XKR4: variants seen among roughly 807,000 people sequenced by gnomAD.
XKR4 encodes the protein XK related 4, also known as XK-related protein 4.
In XKR4, 12 loss-of-function variants were observed where a neutral mutation model predicts 53.9. The ratio of observed to expected loss-of-function variants is 0.22; its 90% CI spans 0.14 to 0.36. XKR4 has a LOEUF of 0.36. Ranked by LOEUF, XKR4 falls within the 10% of genes least tolerant of loss-of-function variation. The probability of loss-of-function intolerance (pLI) is 1.00; values close to 1 mark genes in which losing one functional copy is unlikely to be tolerated. For missense variants in XKR4, 799 were observed against 859.5 expected, an observed-to-expected ratio of 0.93 and a Z score of 0.88; for synonymous variants, 354 against 362.4, an observed-to-expected ratio of 0.98 and a Z score of 0.26.
Position 55,535,644 on chromosome 8 carries a change from A to G in XKR4, c.*11417A>G, listed in dbSNP as rs911351746. The G allele has an allele frequency of 1.3e-5, 2 of 152,182 alleles. No homozygotes were observed. Among genetic ancestry groups the G allele is most frequent in the Non-Finnish European group, 2.9e-5 (2 of 68,052 alleles). 9.4% of individuals were successfully genotyped at this position (152,182 alleles called of 1,614,324 possible). ...TTGGGTGTTGGGTCAGAGGGTATCT[A>G]TTAATGTAGAGGCCCAAGTATGGTG... On this transcript the variant is annotated 3_prime_UTR_variant, in exon 3 of 3. Transcript: ENST00000327381.
chr8:55,135,981 C>T (rs1289165178), intron 1 of XKR4, among the ~76,000 whole-genome samples: 1 of 151,972 alleles, frequency 6.6e-6, no homozygotes, highest in Non-Finnish European at 1.5e-5. Context: ...GCAACCTCCG[C>T]CTCCCGGGTT....
In XKR4 at chr8:55,119,872, T is replaced by G. The variant is rs940308807; in HGVS notation, c.806+16578T>G. On this transcript the variant is annotated intron_variant, in intron 1 of 2. Transcript: ENST00000327381. Reference sequence around the variant, plus strand: ...TGGTAGTGCTGGTTAAGAACTCTACTTAATGAATTATTGGAAAAGGCATAA... The same window carrying G: ...TGGTAGTGCTGGTTAAGAACTCTACGTAATGAATTATTGGAAAAGGCATAA... 3.9e-5 allele frequency among the ~76,000 whole-genome samples: 6 copies of G among 152,214 alleles called. 1 individual carries two copies. The highest frequency in any genetic ancestry group is 3.9e-4 in the Admixed American group (6 of 15,286).
At chr8:55,398,608 A>G (rs751081761) in intron 2 of XKR4, among the ~76,000 whole-genome samples, 9 of 152,066 alleles carry the variant, frequency 5.9e-5, no homozygotes, top group Non-Finnish European at 1.3e-4. Flanking sequence ...GCTTTAGTTC[A>G]ATCACTTCAC....
intron 2 of XKR4, chr8:55,454,315 G>A (rs1310436414): frequency 6.7e-7 from 1 of 1,485,086 alleles, no homozygotes. Flanking sequence ...CCCCGATTAT[G>A]AAGGGCGTGG....
rs1160872780 is a variant in XKR4 at position 55,534,363 on chromosome 8, C to CTTTTTTTTTTTTTTTTT, written c.*10148_*10164dup. 26 of 47,162 alleles carry CTTTTTTTTTTTTTTTTT rather than the reference C, an allele frequency of 5.5e-4. 7 individuals carry two copies. The highest frequency in any genetic ancestry group is 1.1e-3 in the Admixed American group (3 of 2,692). 2.9% of individuals were successfully genotyped at this position (47,162 alleles called of 1,614,324 possible). On this transcript the variant is annotated 3_prime_UTR_variant, in exon 3 of 3. Transcript: ENST00000327381. ...GCTCAAAGATCACGAATCTGATATTCTTTTTTTTTTTTTTTTTTTTTTTTT... is the reference window on the plus strand; with the variant it reads ...GCTCAAAGATCACGAATCTGATATTCTTTTTTTTTTTTTTTTTTTTTTTTTTTTTTTTTTTTTTTTTT...
intron 2 of XKR4, chr8:55,453,491 T>A (rs1805494382): frequency 5.1e-6 from 2 of 393,738 alleles, no homozygotes; most frequent in South Asian, 3.9e-5. Context: ...GCCCACGACC[T>A]CCAGCTGCCC....
At chr8:55,293,973 G>A (rs1213474465) in intron 1 of XKR4, among the ~76,000 whole-genome samples, 3 of 152,128 alleles carry the variant, frequency 2.0e-5, no homozygotes, top group African/African-American at 4.8e-5. Flanking sequence ...TAACATCTAC[G>A]TTTTGATATC....
intron 2 of XKR4, among the ~76,000 whole-genome samples, chr8:55,447,179 C>T (rs1805359947): frequency 6.6e-6 from 1 of 152,076 alleles, no homozygotes. Context: ...GCCAAGAAAC[C>T]ATCAAAGCTA....
chr8:55,369,225 T>A (rs1279080328), intron 2 of XKR4, among the ~76,000 whole-genome samples: 1 of 151,110 alleles, frequency 6.6e-6, no homozygotes, highest in African/African-American at 2.4e-5. Flanking sequence ...TAGCCAGGTG[T>A]GGTGGTGCAT....
chr8:55,415,347 G>A (rs1387880033), intron 2 of XKR4, among the ~76,000 whole-genome samples: 1 of 152,180 alleles, frequency 6.6e-6, no homozygotes, highest in East Asian at 1.9e-4. Flanking sequence ...GCAGAGACTG[G>A]AAGAAAGAAT....
chr8:55,515,510 C>T (rs1806699112), intron 2 of XKR4, among the ~76,000 whole-genome samples: 1 of 152,186 alleles, frequency 6.6e-6, no homozygotes, highest in Admixed American at 6.5e-5. Context: ...TCTAAACACA[C>T]TGCAGAAATG....
At chr8:55,287,655 G>A (rs191256290) in intron 1 of XKR4, among the ~76,000 whole-genome samples, 2 of 152,308 alleles carry the variant, frequency 1.3e-5, no homozygotes, top group East Asian at 3.9e-4. Context: ...CAGATTTGCA[G>A]GTAACTCACC....
At chr8:55,401,206 C>T (rs1269222006) in intron 2 of XKR4, among the ~76,000 whole-genome samples, 1 of 152,204 alleles carries the variant, frequency 6.6e-6, no homozygotes, top group Non-Finnish European at 1.5e-5. Context: ...CACCTGCAAC[C>T]TTAGAGGACA....
chr8:55,297,576 G>A (rs1819119020), intron 1 of XKR4, among the ~76,000 whole-genome samples: 2 of 152,262 alleles, frequency 1.3e-5, no homozygotes, highest in Admixed American at 6.5e-5. Flanking sequence ...ACAGGGGAAA[G>A]GTTACAGTTT....
chr8:55,132,506 A>G (rs1816570669), intron 1 of XKR4, among the ~76,000 whole-genome samples: 1 of 152,224 alleles, frequency 6.6e-6, no homozygotes, highest in South Asian at 2.1e-4. Flanking sequence ...CTGTAATAAA[A>G]GTTGTGAATG....
chr8:55,513,820 G>T (rs952173530), intron 2 of XKR4, among the ~76,000 whole-genome samples: 4 of 152,196 alleles, frequency 2.6e-5, no homozygotes, highest in African/African-American at 9.6e-5. Context: ...ATGTTTCCAT[G>T]CATATAGGAA....
At chr8:55,365,118 A>G (rs1803957348) in intron 2 of XKR4, among the ~76,000 whole-genome samples, 1 of 152,186 alleles carries the variant, frequency 6.6e-6, no homozygotes, top group South Asian at 2.1e-4. Context: ...GGTGTGTTTA[A>G]TCCAGTTGCA....
chr8:55,369,402 G>GAGGGAAGGGAAGGGA lies in XKR4; in HGVS notation c.1006+11531_1006+11532insGGGAAGGGAAGGGAA, dbSNP rs768105144. ...GAGGGGAGGGGAGGGGAGGGGAGGG[G>GAGGGAAGGGAAGGGA]AGGGAAAGGAAGGGAAGGGAAAGGA... On this transcript the variant is annotated intron_variant, in intron 2 of 2. Coordinates refer to ENST00000327381, the MANE Select transcript of XKR4 (RefSeq NM_052898.2). Among the ~76,000 whole-genome samples the GAGGGAAGGGAAGGGA allele has an allele frequency of 6.8e-5, 3 of 44,428 alleles. 1 individual carries two copies. Among genetic ancestry groups the GAGGGAAGGGAAGGGA allele is most frequent in the Non-Finnish European group, 1.3e-4 (3 of 22,954 alleles). 29.1% of individuals were successfully genotyped at this position (44,428 alleles called of 152,430 possible).
Position 55,103,028 on chromosome 8 carries a change from T to C in XKR4, c.540T>C (p.Ala180=). Residue 180 remains alanine, a synonymous_variant, in exon 1 of 3, where the codon GCT becomes GCC. Coordinates refer to ENST00000327381, the MANE Select transcript of XKR4 (RefSeq NM_052898.2). ...DFSTEDSATA[A]AASSCPQPGA... ...GCACCGAGGACAGCGCCACGGCCGC[T>C]GCTGCCTCCAGCTGCCCGCAGCCTG... is the stretch of plus-strand genomic sequence containing the variant. 1.9e-6 allele frequency: 3 copies of C among 1,612,602 alleles called. No individual in the cohort carries two copies. The highest frequency in any genetic ancestry group is 2.5e-6 in the Non-Finnish European group (3 of 1,179,788).
Sources: allele counts gnomAD v4.1 joint callset (sites outside exome capture counted in the v4.1 genomes callset), GRCh38; gene constraint gnomAD v4.1.1; transcripts MANE v1.5; gene names NCBI Gene and HGNC (gene_info 2026-07-23, HGNC 2026-07-21).